C6: variants seen among roughly 807,000 people sequenced by gnomAD.
C6 encodes complement component C6.
Under a neutral mutation model 112.9 loss-of-function variants are expected in C6, and 101 were observed. That is an observed-to-expected ratio of 0.89 (90% confidence interval 0.76 to 1.06). The LOEUF (loss-of-function observed/expected upper bound fraction) is 1.06, where lower values mean the gene tolerates loss of function less well. Ranked by LOEUF, C6 falls within the 50% of genes least tolerant of loss-of-function variation. The pLI, the probability that C6 is intolerant of heterozygous loss-of-function variation, is 0.00. For synonymous variants in C6, 431 were observed against 384.1 expected (o/e 1.12, Z -1.43); for missense variants, 1,202 against 1,104.6 (o/e 1.09, Z -1.25).
intron 1 of C6, among the ~76,000 whole-genome samples, chr5:41,212,349 C>T (rs62361617): frequency 0.077 from 11,755 of 151,914 alleles, 492 homozygotes; most frequent in African/African-American, 0.091. Flanking sequence ...TTAGTGAACT[C>T]GGGGTTTCAC....
In C6 at chr5:41,176,542, G is replaced by A. The variant is rs113742543; in HGVS notation, c.1101C>T (p.Thr367=). 35 of 1,613,740 alleles carry A rather than the reference G, an allele frequency of 2.2e-5. No homozygotes were observed. In the African/African-American group the frequency reaches 2.3e-4, roughly 10 times the overall value. The change falls in exon 8 of 18, where the codon ACC becomes ACT. Residue 367 remains threonine (T), a synonymous_variant. Transcript: ENST00000337836. ...CATACACGCCTCCCAGGGAGCCAGA[G>A]GTGAAGTAATGAGTCCCAAAGTCAT... The part of the protein sequence containing the change: ...IFDDFGTHYF[T]SGSLGGVYDL...
At chr5:41,161,184 G>T (rs1012091175) in intron 10 of C6, among the ~76,000 whole-genome samples, 9 of 152,142 alleles carry the variant, frequency 5.9e-5, no homozygotes, top group Non-Finnish European at 1.2e-4. Flanking sequence ...AATGGCATAT[G>T]GCTGATACGT....
At position 41,208,751 on chromosome 5, in the gene C6, T is replaced by G. The variant is rs1332685542; in HGVS notation, c.-21+4625A>C. On this transcript the variant is annotated intron_variant, in intron 1 of 17. Transcript: ENST00000337836. ...TTAATAGCTTACCAACCAAAAAAAGTCCAGGACCAGATGGATTCACAGCCG... is the reference window on the plus strand; with the variant it reads ...TTAATAGCTTACCAACCAAAAAAAGGCCAGGACCAGATGGATTCACAGCCG... Among the ~76,000 whole-genome samples the G allele has an allele frequency of 4.6e-5, 7 of 151,970 alleles. No homozygotes were observed. The East Asian group carries it at 5.8e-4, about 13-fold the overall frequency.
At chr5:41,257,297 A>G (rs1275324128) in intron 1 of C6, among the ~76,000 whole-genome samples, 2 of 151,962 alleles carry the variant, frequency 1.3e-5, no homozygotes, top group Non-Finnish European at 2.9e-5. Context: ...TCCTGCATTA[A>G]TTCACTTAGG....
At chr5:41,235,181 G>A (rs1291081270) in intron 1 of C6, among the ~76,000 whole-genome samples, 1 of 142,462 alleles carries the variant, frequency 7.0e-6, no homozygotes, top group Non-Finnish European at 1.5e-5. Context: ...ACCCACTAAC[G>A]TGTCATCTAG....
chr5:41,156,027 G>A (rs1186414642), intron 13 of C6, among the ~76,000 whole-genome samples: 1 of 151,808 alleles, frequency 6.6e-6, no homozygotes, highest in Non-Finnish European at 1.5e-5. Flanking sequence ...TGTTGCTGGG[G>A]GGTGGGGGTG....
At chr5:41,246,066 G>A (rs1177578989) in intron 1 of C6, among the ~76,000 whole-genome samples, 2 of 152,144 alleles carry the variant, frequency 1.3e-5, no homozygotes. Context: ...TGAAGAATTA[G>A]TCTTTGACAA....
intron 1 of C6, among the ~76,000 whole-genome samples, chr5:41,227,883 A>G (rs1316816167): frequency 1.3e-5 from 2 of 152,044 alleles, no homozygotes; most frequent in Admixed American, 1.3e-4. Context: ...TTTGTAGTGT[A>G]TTTTGAGGTC....
intron 1 of C6, among the ~76,000 whole-genome samples, chr5:41,256,888 A>G (rs1056075742): frequency 1.3e-5 from 2 of 152,140 alleles, no homozygotes; most frequent in African/African-American, 4.8e-5. Context: ...TCCCATACCC[A>G]CTTTCCATCC....
intron 1 of C6, among the ~76,000 whole-genome samples, chr5:41,227,492 C>T (rs1174000865): frequency 6.6e-6 from 1 of 151,932 alleles, no homozygotes; most frequent in African/African-American, 2.4e-5. Context: ...GCTTTTGTTG[C>T]CTGTGCTTTT....
chr5:41,154,908 G>A, intron 14 of C6, 64 bp downstream of exon 14: 1 of 1,532,678 alleles, frequency 6.5e-7, no homozygotes, highest in Non-Finnish European at 9.0e-7. Context: ...TGATTTTACT[G>A]TTTTTATATT....
chr5:41,235,165 C>T (rs866229328), intron 1 of C6, among the ~76,000 whole-genome samples: 23 of 143,452 alleles, frequency 1.6e-4, no homozygotes, highest in African/African-American at 2.6e-4. Context: ...CATGCTGGTG[C>T]GCTGCACCCA....
chr5:41,158,693 G>T lies in C6; in HGVS notation c.1949C>A (p.Pro650Gln). Reference protein sequence around the residue: ...ADSGCPQPVPPENGFIRNEKQ... With the variant: ...ADSGCPQPVPQENGFIRNEKQ... ...GCTGACCCGGATAAATCCATTTTCT[G>T]GAGGAACTGGCTGAGGACACCCGGA... The change falls in exon 13 of 18, where the codon CCA becomes CAA. Residue 650 changes from proline (P) to glutamine (Q), a missense_variant. Physicochemically the swap from Pro to Gln is moderately conservative, Grantham distance 76. Transcript: ENST00000337836. The T allele has an allele frequency of 6.2e-7, 1 of 1,606,454 alleles. No individual in the cohort carries two copies. Among genetic ancestry groups the T allele is most frequent in the Non-Finnish European group, 8.5e-7 (1 of 1,173,194 alleles).
chr5:41,211,490 A>G (rs1471695223), intron 1 of C6, among the ~76,000 whole-genome samples: 1 of 152,138 alleles, frequency 6.6e-6, no homozygotes, highest in Non-Finnish European at 1.5e-5. Context: ...ACACAGAACC[A>G]CAGGGTATTG....
intron 7 of C6, among the ~76,000 whole-genome samples, chr5:41,178,025 G>T (rs1339641915): frequency 4.6e-5 from 7 of 151,954 alleles, no homozygotes; most frequent in African/African-American, 1.7e-4. Flanking sequence ...TTTCTTTAAG[G>T]TCTCAGTCGT....
At chr5:41,245,467 A>G (rs1330490555) in intron 1 of C6, among the ~76,000 whole-genome samples, 1 of 151,740 alleles carries the variant, frequency 6.6e-6, no homozygotes, top group African/African-American at 2.4e-5. Flanking sequence ...ATTGCAGTGA[A>G]CTGAGATAGC....
At chr5:41,190,088 G>C (rs769004889) in intron 5 of C6, among the ~76,000 whole-genome samples, 34 of 152,234 alleles carry the variant, frequency 2.2e-4, no homozygotes, top group Admixed American at 1.8e-3. Flanking sequence ...GCAGATATCT[G>C]TTCAGTATAC....
Position 41,259,432 on chromosome 5 carries a change from T to C in C6, c.-21+1762A>G, listed in dbSNP as rs749025605. On this transcript the variant is annotated intron_variant, in intron 1 of 17. Coordinates refer to the C6 transcript ENST00000263413. Reference sequence around the variant, plus strand: ...TGTCCAGGCTCTTGACAAATGTTAATTTCAATTTTAAATTCTATTTTTCAG... The same window carrying C: ...TGTCCAGGCTCTTGACAAATGTTAACTTCAATTTTAAATTCTATTTTTCAG... Among the ~76,000 whole-genome samples, 4 of 151,816 alleles carry C rather than the reference T, an allele frequency of 2.6e-5. No individual in the cohort carries two copies. In the East Asian group the frequency reaches 7.7e-4, roughly 29 times the overall value.
At chr5:41,255,891 T>C (rs1020159087) in intron 1 of C6, among the ~76,000 whole-genome samples, 1 of 152,166 alleles carries the variant, frequency 6.6e-6, no homozygotes, top group Admixed American at 6.5e-5. Flanking sequence ...TAAGGCAAAA[T>C]CATTGTGAAA....
Sources: allele counts gnomAD v4.1 joint callset (sites outside exome capture counted in the v4.1 genomes callset), GRCh38; gene constraint gnomAD v4.1.1; transcripts MANE v1.5; gene names NCBI Gene and HGNC (gene_info 2026-07-23, HGNC 2026-07-21).